Variants in XYLT1 observed in about 807,000 individuals in gnomAD.
XYLT1 encodes xylosyltransferase 1.
Under a neutral mutation model 91.3 loss-of-function variants are expected in XYLT1, and 36 were observed. The ratio of observed to expected loss-of-function variants is 0.39; its 90% confidence interval spans 0.30 to 0.52. The LOEUF is 0.52. Among genes scored for constraint, XYLT1 ranks in the 20% least tolerant of loss-of-function variants. XYLT1 has a pLI of 0.68. For missense variants in XYLT1, 1,242 were observed against 1,284.5 expected, an observed-to-expected ratio of 0.97 and a Z score of 0.51; for synonymous variants, 588 against 532.0, an observed-to-expected ratio of 1.11 and a Z score of -1.45.
At chr16:17,281,617 T>C (rs2034059936) in intron 2 of XYLT1, among the ~76,000 whole-genome samples, 1 of 151,882 alleles carries the variant, frequency 6.6e-6, no homozygotes, top group Non-Finnish European at 1.5e-5. Flanking sequence ...ACCCAGAGAG[T>C]CCTTTGTCTG....
intron 5 of XYLT1, among the ~76,000 whole-genome samples, chr16:17,184,508 A>T (rs1392980826): frequency 3.3e-5 from 5 of 151,166 alleles, no homozygotes; most frequent in Non-Finnish European, 7.4e-5. Context: ...ACCCCATGGC[A>T]TCGATGTAAG....
rs996059210 is a variant in XYLT1, at chr16:17,102,803, C to T, written c.*5892G>A. 1 of 152,428 alleles carries T rather than the reference C, an allele frequency of 6.6e-6. No homozygotes were observed. Among genetic ancestry groups the T allele is most frequent in the Non-Finnish European group, 1.5e-5 (1 of 68,014 alleles). The allele number at this position is 152,428 out of a possible 1,614,324, so 9.4% of individuals were successfully genotyped here. On this transcript the variant is annotated 3_prime_UTR_variant, in exon 12 of 12. Transcript: ENST00000261381. ...CAACACATTACAAAATATTTCTGTA[C>T]AGTTTTATGCATATTATGATCTATA...
intron 2 of XYLT1, among the ~76,000 whole-genome samples, chr16:17,351,655 G>C (rs949167306): frequency 6.6e-6 from 1 of 151,848 alleles, no homozygotes; most frequent in South Asian, 2.1e-4. Context: ...TGTATGGCTG[G>C]AAGTGTCTTT....
intron 1 of XYLT1, among the ~76,000 whole-genome samples, chr16:17,382,881 TG>T (rs1323253510): frequency 1.3e-5 from 2 of 151,762 alleles, no homozygotes; most frequent in African/African-American, 4.8e-5. Flanking sequence ...GTGAGGAAAC[TG>T]AGGTACAGAG....
Position 17,134,715 on chromosome 16 carries a change from G to C in XYLT1, c.1785C>G (p.Phe595Leu). 32 of 1,614,186 alleles carry C rather than the reference G, an allele frequency of 2.0e-5. No individual in the cohort carries two copies. Among genetic ancestry groups the C allele is most frequent in the Non-Finnish European group, 2.7e-5 (32 of 1,180,030 alleles). Residue 595 changes from phenylalanine to leucine, a missense_variant, in exon 9 of 12, where the codon TTC (phenylalanine) becomes TTG (leucine). By Grantham distance (22) the Phe-to-Leu change is conservative. Around this residue, in one of 3 missense-constraint regions of XYLT1, gnomAD observed 511 missense variants for 497.0 expected, o/e 1.03. Coordinates refer to ENST00000261381, the MANE Select transcript of XYLT1 (RefSeq NM_022166.4). ...CCACGGCTTCAAACTTGCGGGCAAA[G>C]AAGGTAGGCCGGGCTGTCTGCTGTA... ...HRFQQTARPT[F>L]FARKFEAVVN...
intron 1 of XYLT1, among the ~76,000 whole-genome samples, chr16:17,464,268 C>T (rs1359034757): frequency 6.6e-6 from 1 of 152,108 alleles, no homozygotes; most frequent in African/African-American, 2.4e-5. Context: ...GCAGGCAGAT[C>T]ACCTGAGGCC....
intron 2 of XYLT1, among the ~76,000 whole-genome samples, chr16:17,342,863 T>C (rs962621323): frequency 3.9e-5 from 6 of 152,188 alleles, no homozygotes; most frequent in Admixed American, 1.3e-4. Flanking sequence ...CACATATTTA[T>C]TGAATACACT....
Position 17,348,215 on chromosome 16 carries a change from C to G in XYLT1, c.402+9797G>C, listed in dbSNP as rs141879249. 8.7e-4 allele frequency among the ~76,000 whole-genome samples: 132 copies of G among 152,244 alleles called. 1 individual carries two copies. Among genetic ancestry groups the G allele is most frequent in the African/African-American group, 3.1e-3 (129 of 41,546 alleles). On this transcript the variant is annotated intron_variant, in intron 2 of 11. Coordinates refer to ENST00000261381, the MANE Select transcript of XYLT1 (RefSeq NM_022166.4). ...ATCTTGCTAACACCCAACATGGAGA[C>G]AGCAGGAGGAGGCACAAAGAGGGCG...
chr16:17,336,693 G>A (rs927140885), intron 2 of XYLT1, among the ~76,000 whole-genome samples: 6 of 152,182 alleles, frequency 3.9e-5, no homozygotes, highest in African/African-American at 7.2e-5. Context: ...AGTCCAGCCC[G>A]TCCGAATCCC....
At chr16:17,109,234 G>A (rs933523803) in intron 11 of XYLT1, among the ~76,000 whole-genome samples, 15 of 152,210 alleles carry the variant, frequency 9.9e-5, no homozygotes, top group Non-Finnish European at 1.9e-4. Context: ...CACGGTGCAT[G>A]CCTTTATTCA....
intron 1 of XYLT1, among the ~76,000 whole-genome samples, chr16:17,362,099 T>G (rs1299170837): frequency 6.6e-6 from 1 of 152,184 alleles, no homozygotes; most frequent in Non-Finnish European, 1.5e-5. Flanking sequence ...TGGAGAACAC[T>G]GGGTTCCACT....
intron 2 of XYLT1, among the ~76,000 whole-genome samples, chr16:17,292,107 TATACAC>T (rs548195862): frequency 0.057 from 7,905 of 138,122 alleles, 287 homozygotes; most frequent in Admixed American, 0.082. Context: ...CACACACACA[TATACAC>T]ATATATATCT....
intron 2 of XYLT1, among the ~76,000 whole-genome samples, chr16:17,273,449 G>A (rs1478614825): frequency 6.6e-6 from 1 of 152,184 alleles, no homozygotes; most frequent in Non-Finnish European, 1.5e-5. Context: ...GCATCACCTG[G>A]GAACGTGTTA....
chr16:17,396,764 G>A (rs1387085538), intron 1 of XYLT1, among the ~76,000 whole-genome samples: 3 of 152,190 alleles, frequency 2.0e-5, no homozygotes, highest in East Asian at 1.9e-4. Context: ...CCAGCTACTC[G>A]GGAATCTGAG....
At chr16:17,454,459 T>C (rs189174623) in intron 1 of XYLT1, among the ~76,000 whole-genome samples, 88 of 152,250 alleles carry the variant, frequency 5.8e-4, no homozygotes, top group Non-Finnish European at 8.8e-4. Context: ...TGTGCTGTCA[T>C]AGCACAAAAG....
At chr16:17,302,049 T>A (rs1388057451) in intron 2 of XYLT1, among the ~76,000 whole-genome samples, 2 of 151,936 alleles carry the variant, frequency 1.3e-5, no homozygotes, top group East Asian at 3.9e-4. Flanking sequence ...CCATCTCTAC[T>A]AAAAATGCAA....
chr16:17,319,848 A>G (rs2034690444), intron 2 of XYLT1, among the ~76,000 whole-genome samples: 2 of 152,212 alleles, frequency 1.3e-5, no homozygotes, highest in Non-Finnish European at 1.5e-5. Context: ...CTGAATGGAA[A>G]TAATGGCCTA....
chr16:17,351,152 G>A (rs149186770), intron 2 of XYLT1, among the ~76,000 whole-genome samples: 5 of 152,224 alleles, frequency 3.3e-5, no homozygotes, highest in African/African-American at 1.2e-4. Flanking sequence ...TGATGTACAT[G>A]TTCCTGTGTA....
At chr16:17,442,527 A>G (rs1359359582) in intron 1 of XYLT1, among the ~76,000 whole-genome samples, 2 of 152,124 alleles carry the variant, frequency 1.3e-5, no homozygotes, top group Non-Finnish European at 2.9e-5. Context: ...ATTGCCCCAC[A>G]TATTTAAGTT....
Sources: gnomAD v4.1 joint callset for allele counts (sites outside exome capture counted in the v4.1 genomes callset) on GRCh38, gnomAD v4.1.1 for gene constraint, gnomAD v4.1.1 regional missense constraint, MANE v1.5 for transcripts, NCBI Gene and HGNC (gene_info 2026-07-23, HGNC 2026-07-21) for gene names.